Variants in LRP1B observed in about 807,000 individuals in gnomAD.
LRP1B encodes LDL receptor related protein 1B.
Under a neutral mutation model 556.6 loss-of-function variants are expected in LRP1B, and 217 were observed. The observed-to-expected ratio is 0.39, with a 90% CI of 0.35 to 0.44. The LOEUF is 0.44. LRP1B is among the 20% of genes least tolerant of loss of function. The pLI is 1.00. For missense variants in LRP1B, 5,053 were observed against 5,620.8 expected, an observed-to-expected ratio of 0.90 and a Z score of 3.23; for synonymous variants, 2,047 against 1,865.8, an observed-to-expected ratio of 1.10 and a Z score of -2.50.
intron 35 of LRP1B, among the ~76,000 whole-genome samples, chr2:140,743,847 G>A (rs1311228713): frequency 2.7e-5 from 4 of 149,580 alleles, no homozygotes; most frequent in East Asian, 2.0e-4. Flanking sequence ...GTAGTCACCC[G>A]CTGTAACTAC....
chr2:141,763,312 A>C (rs1694622248), intron 2 of LRP1B, among the ~76,000 whole-genome samples: 1 of 152,178 alleles, frequency 6.6e-6, no homozygotes, highest in South Asian at 2.1e-4. Flanking sequence ...AATTTGATTT[A>C]AATGTTGATG....
chr2:142,022,190 TA>T (rs78431769), intron 1 of LRP1B, among the ~76,000 whole-genome samples: 5,599 of 151,752 alleles, frequency 0.037, 233 homozygotes, highest in East Asian at 0.16. Flanking sequence ...CTAGACCAAT[TA>T]AAATCATCTT....
chr2:141,703,857 T>C (rs1319708546), intron 2 of LRP1B, among the ~76,000 whole-genome samples: 2 of 151,946 alleles, frequency 1.3e-5, no homozygotes, highest in Admixed American at 6.6e-5. Flanking sequence ...TCAGTTTAGA[T>C]AGTAACTCGA....
intron 41 of LRP1B, among the ~76,000 whole-genome samples, chr2:140,602,695 A>C (rs1183790702): frequency 1.3e-5 from 2 of 151,470 alleles, no homozygotes; most frequent in Non-Finnish European, 2.9e-5. Context: ...ATTTTGTGGG[A>C]GGGCAAAACA....
chr2:140,299,076 TTC>T (rs1462218233), intron 83 of LRP1B, among the ~76,000 whole-genome samples: 3 of 152,136 alleles, frequency 2.0e-5, no homozygotes, highest in Admixed American at 2.0e-4. Context: ...TTCATGCCAT[TTC>T]TCTGTCATCT....
chr2:141,858,502 T>A (rs902647457), intron 1 of LRP1B, among the ~76,000 whole-genome samples: 29 of 152,136 alleles, frequency 1.9e-4, no homozygotes, highest in Non-Finnish European at 2.9e-5. Context: ...GATCCAGATA[T>A]AGAGTTGGAT....
chr2:140,423,082 T>C (rs1263222898), intron 66 of LRP1B, among the ~76,000 whole-genome samples: 1 of 152,112 alleles, frequency 6.6e-6, no homozygotes, highest in African/African-American at 2.4e-5. Context: ...GAAAATTGAG[T>C]AGCATGAAAA....
intron 43 of LRP1B, among the ~76,000 whole-genome samples, chr2:140,561,874 A>C (rs1261641770): frequency 6.6e-6 from 1 of 152,066 alleles, no homozygotes; most frequent in Non-Finnish European, 1.5e-5. Context: ...ATTTAACACT[A>C]TATAAAAAAT....
intron 47 of LRP1B, among the ~76,000 whole-genome samples, chr2:140,530,014 T>C (rs1447495540): frequency 6.6e-6 from 1 of 152,080 alleles, no homozygotes; most frequent in East Asian, 1.9e-4. Flanking sequence ...AAGCAATTCA[T>C]TGCAACACCC....
rs562611897 is a variant in LRP1B, at chr2:141,061,559, C to G, written c.1236+492G>C. On this transcript the variant is annotated intron_variant, in intron 8 of 90. Coordinates refer to ENST00000389484, the MANE Select transcript of LRP1B (RefSeq NM_018557.3). ...ACCTCCGTGACTTTCACAGAATTCTCTTTTTAGGAAGTACTTGAATACATC... is the reference window on the plus strand; with the variant it reads ...ACCTCCGTGACTTTCACAGAATTCTGTTTTTAGGAAGTACTTGAATACATC... Among the ~76,000 whole-genome samples, 57 of 151,820 alleles carry G rather than the reference C, an allele frequency of 3.8e-4. No homozygotes were observed. In the East Asian group the frequency reaches 6.6e-3, roughly 18 times the overall value.
rs1700769827 is a variant in LRP1B, at chr2:141,940,647, G to A, written c.83-130246C>T. On this transcript the variant is annotated intron_variant, in intron 1 of 90. Transcript: ENST00000389484. ...TTAGGAGGAGAATTTGAATATATGT[G>A]TATTTTTCCCTAAATCCTTTTACTC... is the stretch of plus-strand genomic sequence containing the variant. 2.0e-5 allele frequency among the ~76,000 whole-genome samples: 3 copies of A among 152,142 alleles called. No individual in the cohort carries two copies. The South Asian group carries it at 6.2e-4, about 31-fold the overall frequency.
intron 3 of LRP1B, among the ~76,000 whole-genome samples, chr2:141,276,658 C>CTTTCTTTCTTT (rs61184600): frequency 3.3e-5 from 4 of 122,918 alleles, no homozygotes; most frequent in Non-Finnish European, 6.7e-5. Flanking sequence ...TTCTTTCTTT[C>CTTTCTTTCTTT]TTTTTTTTTT....
At chr2:141,074,811 G>C (rs1435577958) in intron 7 of LRP1B, among the ~76,000 whole-genome samples, 6 of 151,902 alleles carry the variant, frequency 3.9e-5, no homozygotes, top group African/African-American at 1.2e-4. Flanking sequence ...TAGCTCACTG[G>C]AATTATATTT....
intron 67 of LRP1B, among the ~76,000 whole-genome samples, chr2:140,383,128 CA>C (rs1463834302): frequency 3.3e-5 from 5 of 152,142 alleles, no homozygotes; most frequent in Admixed American, 2.0e-4. Context: ...TGTTAAGCAA[CA>C]CATGATGATA....
intron 11 of LRP1B, among the ~76,000 whole-genome samples, chr2:141,023,483 T>C (rs1218220897): frequency 1.3e-5 from 2 of 151,978 alleles, no homozygotes; most frequent in Admixed American, 6.6e-5. Flanking sequence ...CAAATGAATG[T>C]AATACTTTAG....
intron 72 of LRP1B, among the ~76,000 whole-genome samples, chr2:140,361,310 G>GTA (rs1289071295): frequency 9.4e-6 from 1 of 106,578 alleles, no homozygotes; most frequent in African/African-American, 3.5e-5. Context: ...ATACCACCAA[G>GTA]TATGAATATT....
chr2:141,429,342 A>G (rs1680483986), intron 3 of LRP1B, among the ~76,000 whole-genome samples: 1 of 152,226 alleles, frequency 6.6e-6, no homozygotes, highest in African/African-American at 2.4e-5. Flanking sequence ...AATAAAGTCA[A>G]TAAATTTTTT....
At chr2:141,332,656 G>A (rs1687697487) in intron 3 of LRP1B, among the ~76,000 whole-genome samples, 1 of 150,874 alleles carries the variant, frequency 6.6e-6, no homozygotes, top group Non-Finnish European at 1.5e-5. Flanking sequence ...CAAAGTCATT[G>A]CTACTTCTGA....
At chr2:141,662,270 C>T (rs1019394042) in intron 2 of LRP1B, among the ~76,000 whole-genome samples, 4 of 152,152 alleles carry the variant, frequency 2.6e-5, no homozygotes, top group Admixed American at 2.6e-4. Context: ...GCAACTACAT[C>T]AACAAGTCTG....
Sources: allele counts gnomAD v4.1 joint callset (sites outside exome capture counted in the v4.1 genomes callset), GRCh38; gene constraint gnomAD v4.1.1; transcripts MANE v1.5; gene names NCBI Gene and HGNC (gene_info 2026-07-23, HGNC 2026-07-21).